The following PCDHGB4 variants were observed in gnomAD, a reference collection of about 807,000 sequenced individuals.
The protein encoded by PCDHGB4 is protocadherin gamma-B4.
PCDHGB4 carries 38 observed loss-of-function variants against 60.5 expected under a neutral mutation model. The observed-to-expected ratio is 0.63, with a 90% CI of 0.48 to 0.82. The LOEUF (loss-of-function observed/expected upper bound fraction) is 0.82, where lower values mean the gene tolerates loss of function less well. PCDHGB4 is among the 40% of genes least tolerant of loss of function. The probability of loss-of-function intolerance (pLI) is 0.00; values close to 1 mark genes in which losing one functional copy is unlikely to be tolerated. For synonymous variants in PCDHGB4, 456 were observed against 509.7 expected (o/e 0.89, Z 1.42); for missense variants, 1,109 against 1,209.6 (o/e 0.92, Z 1.23).
intron 1 of PCDHGB4, chr5:141,419,412 G>A (rs770138290): frequency 1.9e-6 from 3 of 1,613,446 alleles, no homozygotes; most frequent in South Asian, 2.2e-5. Context: ...TTCGCGCAGC[G>A]CGCCTTCGAC....
chr5:141,495,000 G>A lies in PCDHGB4; in HGVS notation c.2456+135G>A, dbSNP rs191756104. ...AGTTTGAGATCCCAGGGAGGTCTTG[G>A]TGTGCGGGGGGCTGGCACACAGACC... On this transcript the variant is annotated intron_variant, in intron 2 of 3. Transcript: ENST00000519479. 1.3e-4 allele frequency: 202 copies of A among 1,531,656 alleles called. 2 individuals carry two copies. The African/African-American group carries it at 2.4e-3, about 19-fold the overall frequency. The allele number at this position is 1,531,656 out of a possible 1,614,324, so 94.9% of individuals were successfully genotyped here. A position where few individuals can be genotyped will look rare whatever the true frequency, so the allele number is the denominator to read the frequency against.
rs1233801398 is a variant in PCDHGB4, at chr5:141,431,238, C to T, written c.2397+40957C>T. The stretch of plus-strand genomic sequence containing the variant: ...TTCCCTCTACCCCACGCCTGGGATC[C>T]GGATATCGGGAAGAACTCTCTGCAG... On this transcript the variant is annotated intron_variant, in intron 1 of 3. Coordinates refer to ENST00000519479, the MANE Select transcript of PCDHGB4 (RefSeq NM_003736.4). This position sits in a 1 kb window ranked among gnomAD's most constrained non-coding sequence, Gnocchi z 4.8. The T allele has an allele frequency of 3.7e-6, 6 of 1,614,156 alleles. No homozygotes were observed. Among genetic ancestry groups the T allele is most frequent in the Non-Finnish European group, 8.5e-7 (1 of 1,180,038 alleles).
At chr5:141,465,644 A>G (rs1320011410) in intron 1 of PCDHGB4, among the ~76,000 whole-genome samples, 2 of 152,186 alleles carry the variant, frequency 1.3e-5, no homozygotes, top group African/African-American at 4.8e-5. Context: ...TGCTTTGAAC[A>G]TCCCAAAAAA....
chr5:141,421,359 C>T, intron 1 of PCDHGB4: 1 of 1,614,012 alleles, frequency 6.2e-7, no homozygotes, highest in Non-Finnish European at 8.5e-7. Context: ...AAAAGGGCTC[C>T]TTCGTGGGCA....
chr5:141,427,704 G>A (rs2097059746), intron 1 of PCDHGB4: 1 of 966,116 alleles, frequency 1.0e-6, no homozygotes, highest in Non-Finnish European at 1.6e-6. Flanking sequence ...ACAAGTCAGC[G>A]CCTCTGACCT....
chr5:141,430,763 A>C, intron 1 of PCDHGB4: 1 of 1,506,248 alleles, frequency 6.6e-7, no homozygotes, highest in Non-Finnish European at 8.9e-7. Flanking sequence ...GATAAGAATG[A>C]TTCCTGCGCG....
At chr5:141,473,439 A>G (rs2099322281) in intron 1 of PCDHGB4, among the ~76,000 whole-genome samples, 1 of 152,210 alleles carries the variant, frequency 6.6e-6, no homozygotes, top group African/African-American at 2.4e-5. Flanking sequence ...TTGCTTATGC[A>G]AAAATAATTA....
chr5:141,460,909 G>GGTGT (rs548378036), intron 1 of PCDHGB4, among the ~76,000 whole-genome samples: 1 of 123,246 alleles, frequency 8.1e-6, no homozygotes, highest in African/African-American at 3.7e-5. Flanking sequence ...AATATTCCAT[G>GGTGT]GTGTATATAT....
chr5:141,403,685 C>A, intron 1 of PCDHGB4: 1 of 1,613,822 alleles, frequency 6.2e-7, no homozygotes, highest in Non-Finnish European at 8.5e-7. Flanking sequence ...TTTTGCTCAA[C>A]GGATTTACCG....
Position 141,491,987 on chromosome 5 carries a change from T to A in PCDHGB4, c.2398-2820T>A. The A allele has an allele frequency of 1.4e-6, 1 of 736,922 alleles. No individual in the cohort carries two copies. The highest frequency in any genetic ancestry group is 2.0e-6 in the Non-Finnish European group (1 of 490,378). The allele number at this position is 736,922 out of a possible 1,614,324, so 45.6% of individuals were successfully genotyped here. On this transcript the variant is annotated intron_variant, in intron 1 of 3. Coordinates refer to ENST00000519479, the MANE Select transcript of PCDHGB4 (RefSeq NM_003736.4). The surrounding 1 kb of genome is among the most constrained non-coding windows in gnomAD (Gnocchi z 6.9). ...GCCGGGGCCTCCTTCGAGCTTCCGG[T>A]GAATTTCGGGCGATTTCCGCGGGTG...
intron 1 of PCDHGB4, chr5:141,418,598 T>G: frequency 6.2e-7 from 1 of 1,614,010 alleles, no homozygotes; most frequent in Non-Finnish European, 8.5e-7. Flanking sequence ...CCAGGACGTG[T>G]ACAGGGTTAG....
chr5:141,511,728 A>C lies in PCDHGB4; in HGVS notation c.*555A>C, dbSNP rs904031366. 2.2e-5 allele frequency: 4 copies of C among 177,940 alleles called. No homozygotes were observed. The highest frequency in any genetic ancestry group is 7.0e-5 in the African/African-American group (3 of 42,626). 11.0% of individuals were successfully genotyped at this position (177,940 alleles called of 1,614,324 possible). ...TCACCTCCTTCCAGAGCCCAAGATC[A>C]ATGCTCAAGTTTTGGAGGACATGAT... On this transcript the variant is annotated 3_prime_UTR_variant, in exon 4 of 4. Coordinates refer to ENST00000519479, the MANE Select transcript of PCDHGB4 (RefSeq NM_003736.4).
At chr5:141,466,348 G>A (rs2099120992) in intron 1 of PCDHGB4, among the ~76,000 whole-genome samples, 2 of 151,876 alleles carry the variant, frequency 1.3e-5, no homozygotes, top group Admixed American at 6.6e-5. Context: ...TTTTTTTGCA[G>A]CTAATCTAGA....
chr5:141,470,037 G>A lies in PCDHGB4; in HGVS notation c.2398-24770G>A, dbSNP rs76537989. Among the ~76,000 whole-genome samples the A allele has an allele frequency of 2.3e-3, 347 of 152,258 alleles. 6 individuals are homozygous for A. The East Asian group carries it at 0.048, about 21-fold the overall frequency. On this transcript the variant is annotated intron_variant, in intron 1 of 3. Transcript: ENST00000519479. ...CCAGCTACTCGGGATGCTGAGGCGC[G>A]AGAACTGTTTGAACCCCGGAGGCAG...
intron 1 of PCDHGB4, chr5:141,398,508 T>C: frequency 6.2e-7 from 1 of 1,601,476 alleles, no homozygotes; most frequent in Admixed American, 1.7e-5. Context: ...AGGACATTAA[T>C]GACCACACGC....
rs756252337 is a variant in PCDHGB4, at chr5:141,413,183, C to T, written c.2397+22902C>T. The T allele has an allele frequency of 3.7e-6, 6 of 1,605,222 alleles. No individual in the cohort carries two copies. The Admixed American group carries it at 1.0e-4, about 27-fold the overall frequency. Reference sequence around the variant, plus strand: ...TTCTGTAACCAGACTACAATGGCCGCTCAAAGGAATCGCTCAAAGGAATCA... The same window carrying T: ...TTCTGTAACCAGACTACAATGGCCGTTCAAAGGAATCGCTCAAAGGAATCA... On this transcript the variant is annotated intron_variant, in intron 1 of 3. Transcript: ENST00000519479.
intron 1 of PCDHGB4, among the ~76,000 whole-genome samples, chr5:141,438,591 CAT>C (rs946798767): frequency 2.9e-3 from 219 of 75,538 alleles, no homozygotes; most frequent in Middle Eastern, 0.016. Context: ...TACATACATA[CAT>C]ATATATATAT....
Position 141,476,369 on chromosome 5 carries a change from G to A in PCDHGB4, c.2398-18438G>A, listed in dbSNP as rs1178923246. 1.9e-6 allele frequency: 3 copies of A among 1,614,098 alleles called. No homozygotes were observed. The African/African-American group carries it at 4.0e-5, about 22-fold the overall frequency. ...CTTTGAGGTGAACCGGGAGACCGGA[G>A]AGATGTTTGTGAACGACCGTCTGGA... On this transcript the variant is annotated intron_variant, in intron 1 of 3. Transcript: ENST00000519479. This position sits in a 1 kb window ranked among gnomAD's most constrained non-coding sequence, Gnocchi z 7.6.
chr5:141,404,001 C>T, intron 1 of PCDHGB4: 8 of 1,613,870 alleles, frequency 5.0e-6, no homozygotes, highest in South Asian at 1.1e-5. Context: ...GTGACCATTA[C>T]ATCTCTGTTT....
Sources: allele counts gnomAD v4.1 joint callset (sites outside exome capture counted in the v4.1 genomes callset), GRCh38; gene constraint gnomAD v4.1.1; non-coding constraint Gnocchi (gnomAD v3.1); transcripts MANE v1.5; gene names NCBI Gene and HGNC (gene_info 2026-07-23, HGNC 2026-07-21).